The following TRDN variants were observed in gnomAD, a reference collection of about 807,000 sequenced individuals.
TRDN encodes the protein triadin in skeletal muscle.
TRDN carries 161 observed loss-of-function variants against 149.7 expected under a neutral mutation model. The ratio of observed to expected loss-of-function variants is 1.08; its 90% CI spans 0.95 to 1.23. The LOEUF is 1.23. TRDN is among the 50% of genes most tolerant of loss of function. TRDN has a pLI of 0.00. For missense variants in TRDN, 896 were observed against 823.5 expected, an observed-to-expected ratio of 1.09 and a Z score of -1.08; for synonymous variants, 294 against 250.5, an observed-to-expected ratio of 1.17 and a Z score of -1.64.
chr6:123,220,354 A>G (rs532804813), intron 40 of TRDN, among the ~76,000 whole-genome samples: 2 of 151,916 alleles, frequency 1.3e-5, no homozygotes, highest in Non-Finnish European at 2.9e-5. Context: ...ATATTTTAAT[A>G]GTTATTTAAA....
chr6:123,538,523 A>G (rs1290267982), intron 4 of TRDN, among the ~76,000 whole-genome samples: 1 of 152,152 alleles, frequency 6.6e-6, no homozygotes, highest in Non-Finnish European at 1.5e-5. Context: ...AATGAAGACT[A>G]TAAAAAGGAA....
At chr6:123,261,338 T>G (rs956661774) in intron 33 of TRDN, among the ~76,000 whole-genome samples, 2 of 151,970 alleles carry the variant, frequency 1.3e-5, no homozygotes, top group African/African-American at 2.4e-5. Flanking sequence ...GGGATGAGAT[T>G]AAAAGTTAAT....
rs535467992 is a variant in TRDN, at chr6:123,443,374, T to C, written c.932-4371A>G. On this transcript the variant is annotated intron_variant, in intron 10 of 40. Coordinates refer to ENST00000334268, the MANE Select transcript of TRDN (RefSeq NM_006073.4). ...GTGGATCAGGGTAAACCTTTCTGAA[T>C]GGGCAATTGGAAAGATTATTGAAAA... Among the ~76,000 whole-genome samples the C allele has an allele frequency of 3.3e-5, 5 of 151,876 alleles. No individual in the cohort carries two copies. In the South Asian group the frequency reaches 1.0e-3, roughly 32 times the overall value.
chr6:123,224,264 A>C, intron 38 of TRDN, 133 bp from the exon 39 acceptor site: 1 of 794,608 alleles, frequency 1.3e-6, no homozygotes, highest in Non-Finnish European at 2.0e-6. Flanking sequence ...AGTCTCCATA[A>C]ATAAGAGCTG....
At chr6:123,308,455 GT>G (rs1778696219) in intron 24 of TRDN, among the ~76,000 whole-genome samples, 1 of 151,508 alleles carries the variant, frequency 6.6e-6, no homozygotes, top group Admixed American at 6.6e-5. Context: ...TTTCCACAGT[GT>G]CTGAGCTAAT....
At chr6:123,403,031 T>C (rs1773045347) in intron 12 of TRDN, among the ~76,000 whole-genome samples, 2 of 152,166 alleles carry the variant, frequency 1.3e-5, no homozygotes, top group African/African-American at 4.8e-5. Flanking sequence ...GATATGGAGA[T>C]TCTAAAGTCA....
intron 38 of TRDN, among the ~76,000 whole-genome samples, chr6:123,231,654 C>G (rs1334505580): frequency 6.6e-6 from 1 of 151,940 alleles, no homozygotes; most frequent in Non-Finnish European, 1.5e-5. Context: ...GTCAGTGTTT[C>G]TCACATATAT....
chr6:123,509,377 T>C (rs1044348808), intron 7 of TRDN: 3 of 152,134 alleles, frequency 2.0e-5, no homozygotes, highest in African/African-American at 7.2e-5. Flanking sequence ...CTAAAGGTGA[T>C]TGAATATGAC....
chr6:123,249,119 T>C (rs1776287148), intron 38 of TRDN, among the ~76,000 whole-genome samples: 1 of 152,076 alleles, frequency 6.6e-6, no homozygotes, highest in Non-Finnish European at 1.5e-5. Flanking sequence ...ACAACCCATT[T>C]GAAAAGTGGG....
At chr6:123,558,499 T>C (rs1781800581) in intron 2 of TRDN, among the ~76,000 whole-genome samples, 2 of 152,068 alleles carry the variant, frequency 1.3e-5, no homozygotes, top group South Asian at 2.1e-4. Context: ...TTTTTCTTTA[T>C]CCCAAATCAG....
At chr6:123,440,269 G>A (rs754454916) in intron 10 of TRDN, among the ~76,000 whole-genome samples, 2 of 152,116 alleles carry the variant, frequency 1.3e-5, no homozygotes, top group African/African-American at 2.4e-5. Flanking sequence ...GTCTAAAAGT[G>A]TCTACAGCAT....
intron 9 of TRDN, among the ~76,000 whole-genome samples, chr6:123,487,329 T>A (rs989253904): frequency 6.6e-6 from 1 of 152,192 alleles, no homozygotes; most frequent in Non-Finnish European, 1.5e-5. Flanking sequence ...CCACCACATA[T>A]GTGAAATAAA....
chr6:123,633,023 G>T (rs1321015499), intron 1 of TRDN, among the ~76,000 whole-genome samples: 2 of 152,048 alleles, frequency 1.3e-5, no homozygotes, highest in African/African-American at 4.8e-5. Flanking sequence ...TCGGCTAATG[G>T]TAAGGAAAGA....
intron 24 of TRDN, among the ~76,000 whole-genome samples, chr6:123,282,132 G>T (rs1308633873): frequency 6.6e-6 from 1 of 151,932 alleles, no homozygotes; most frequent in Admixed American, 6.6e-5. Flanking sequence ...TGACAACAGA[G>T]GCAGAGACTG....
chr6:123,362,078 A>G (rs1230550598), intron 20 of TRDN, among the ~76,000 whole-genome samples: 1 of 152,174 alleles, frequency 6.6e-6, no homozygotes, highest in Non-Finnish European at 1.5e-5. Flanking sequence ...TATTAAGAAT[A>G]TTAACAATAT....
intron 24 of TRDN, among the ~76,000 whole-genome samples, chr6:123,305,203 T>C (rs1194395402): frequency 1.3e-5 from 2 of 152,148 alleles, no homozygotes; most frequent in East Asian, 3.9e-4. Flanking sequence ...ATAAAAACTG[T>C]CATTTCCTGG....
intron 24 of TRDN, among the ~76,000 whole-genome samples, chr6:123,288,672 AATAAG>A (rs1777885604): frequency 6.6e-6 from 1 of 152,086 alleles, no homozygotes; most frequent in African/African-American, 2.4e-5. Context: ...ATTAAACTAC[AATAAG>A]ATAACACCTC....
chr6:123,470,056 A>G (rs986290234), intron 9 of TRDN: 1 of 152,156 alleles, frequency 6.6e-6, no homozygotes, highest in Non-Finnish European at 1.5e-5. Context: ...TGTTCTGGAT[A>G]TGGTATGTTG....
intron 9 of TRDN, among the ~76,000 whole-genome samples, chr6:123,467,102 C>T (rs111873386): frequency 0.014 from 2,079 of 151,730 alleles, 40 homozygotes; most frequent in African/African-American, 0.047. Context: ...ATTATTAAAC[C>T]CCAACCCTGC....
Sources: allele counts gnomAD v4.1 joint callset (sites outside exome capture counted in the v4.1 genomes callset), GRCh38; gene constraint gnomAD v4.1.1; transcripts MANE v1.5; gene names NCBI Gene and HGNC (gene_info 2026-07-23, HGNC 2026-07-21).